Variants in NOCT observed in about 807,000 individuals in gnomAD.
The protein encoded by NOCT is nocturnin.
In NOCT, 18 loss-of-function variants were observed where a neutral mutation model predicts 35.0. The ratio of observed to expected loss-of-function variants is 0.51; its 90% CI spans 0.36 to 0.76. The LOEUF (loss-of-function observed/expected upper bound fraction) is 0.76, where lower values mean the gene tolerates loss of function less well. NOCT is among the 30% of genes least tolerant of loss of function. The pLI is 0.01. For synonymous variants in NOCT, 235 were observed against 226.3 expected, an observed-to-expected ratio of 1.04 and a Z score of -0.34; for missense variants, 479 against 541.0, an observed-to-expected ratio of 0.89 and a Z score of 1.14.
intron 1 of NOCT, among the ~76,000 whole-genome samples, chr4:139,028,821 A>G (rs547037135): frequency 1.6e-4 from 25 of 152,278 alleles, no homozygotes; most frequent in Middle Eastern, 3.4e-3. Flanking sequence ...TCGAATGTTA[A>G]TAATAGCCTT....
At chr4:139,034,215 T>C (rs756471801) in intron 1 of NOCT, among the ~76,000 whole-genome samples, 35 of 152,116 alleles carry the variant, frequency 2.3e-4, no homozygotes, top group Non-Finnish European at 4.7e-4. Context: ...AACAGCACTG[T>C]GTCTCCCCAC....
intron 1 of NOCT, among the ~76,000 whole-genome samples, chr4:139,021,084 A>G (rs992235206): frequency 6.6e-6 from 1 of 151,758 alleles, no homozygotes; most frequent in Non-Finnish European, 1.5e-5. Context: ...AAAAAAAAAA[A>G]AAAAAGGATC....
chr4:139,031,898 A>AGATAGGG (rs753968611), intron 1 of NOCT, among the ~76,000 whole-genome samples: 1 of 151,928 alleles, frequency 6.6e-6, no homozygotes, highest in Non-Finnish European at 1.5e-5. Context: ...TTTTTAGTAG[A>AGATAGGG]GATAGGGTTT....
intron 1 of NOCT, among the ~76,000 whole-genome samples, chr4:139,028,684 C>T (rs1726570060): frequency 1.3e-5 from 2 of 152,218 alleles, no homozygotes; most frequent in Non-Finnish European, 2.9e-5. Flanking sequence ...GTCCAAGGTG[C>T]AGGTAACTTT....
At chr4:139,016,487 C>T (rs1312693443) in intron 1 of NOCT, among the ~76,000 whole-genome samples, 1 of 151,558 alleles carries the variant, frequency 6.6e-6, no homozygotes, top group South Asian at 2.1e-4. Flanking sequence ...CCGCGAGTTA[C>T]TATGTTGGTT....
chr4:139,036,951 A>G (rs1342295896), intron 1 of NOCT, among the ~76,000 whole-genome samples: 1 of 152,194 alleles, frequency 6.6e-6, no homozygotes, highest in Non-Finnish European at 1.5e-5. Flanking sequence ...TCCATCAGTA[A>G]GCTGTCTAGA....
At chr4:139,024,803 C>T (rs371296958) in intron 1 of NOCT, among the ~76,000 whole-genome samples, 11 of 152,134 alleles carry the variant, frequency 7.2e-5, no homozygotes, top group East Asian at 1.9e-4. Flanking sequence ...AGGTTTTCCC[C>T]GTGTTGGCCA....
chr4:139,021,576 C>T (rs1280670520), intron 1 of NOCT, among the ~76,000 whole-genome samples: 1 of 151,724 alleles, frequency 6.6e-6, no homozygotes, highest in East Asian at 1.9e-4. Flanking sequence ...AAACTTGAGA[C>T]TGAGGTTGTA....
In NOCT at chr4:139,044,664, T is replaced by C. The variant is rs1482902568; in HGVS notation, c.486T>C (p.Phe162=). 6.2e-7 allele frequency: 1 copy of C among 1,613,794 alleles called. No individual in the cohort carries two copies. Residue 162 remains phenylalanine, a synonymous_variant, in exon 3 of 3, where the codon TTT becomes TTC. Coordinates refer to ENST00000280614, the MANE Select transcript of NOCT (RefSeq NM_012118.4). ...AQALGEGKDN[F]VQCPVEALKW... ...CTCTTGGAGAAGGCAAAGACAACTT[T>C]GTACAGTGCCCTGTTGAAGCACTCA...
intron 1 of NOCT, among the ~76,000 whole-genome samples, chr4:139,041,557 C>G (rs1726833222): frequency 6.6e-6 from 1 of 152,126 alleles, no homozygotes; most frequent in Non-Finnish European, 1.5e-5. Context: ...AAGTGAACTG[C>G]CACATAATGC....
intron 2 of NOCT, chr4:139,044,016 AG>A: frequency 5.5e-5 from 8 of 146,192 alleles, no homozygotes; most frequent in African/African-American, 2.0e-4. Context: ...ACTTTGTTAC[AG>A]TAGTAAGGAC....
chr4:139,023,303 G>A (rs1479320558), intron 1 of NOCT, among the ~76,000 whole-genome samples: 2 of 151,958 alleles, frequency 1.3e-5, no homozygotes, highest in African/African-American at 2.4e-5. Flanking sequence ...CAAATATCTT[G>A]TCTAGTACAG....
At chr4:139,017,225 C>CT (rs547505786) in intron 1 of NOCT, among the ~76,000 whole-genome samples, 29,463 of 122,794 alleles carry the variant, frequency 0.24, 4,476 homozygotes, top group East Asian at 0.59. Context: ...CAATACATAA[C>CT]TTTTTTTTTT....
At chr4:139,038,624 T>C (rs1726778739) in intron 1 of NOCT, among the ~76,000 whole-genome samples, 1 of 152,164 alleles carries the variant, frequency 6.6e-6, no homozygotes, top group African/African-American at 2.4e-5. Context: ...GTACCACCAC[T>C]ACTAATTATG....
intron 1 of NOCT, among the ~76,000 whole-genome samples, chr4:139,032,491 CT>C (rs1340004553): frequency 6.3e-4 from 96 of 151,916 alleles, no homozygotes; most frequent in African/African-American, 2.3e-3. Flanking sequence ...CTCGTCTCTA[CT>C]TTTTTAAAAA....
At chr4:139,032,249 TAGTC>T (rs1391669902) in intron 1 of NOCT, among the ~76,000 whole-genome samples, 1 of 29,260 alleles carries the variant, frequency 3.4e-5, no homozygotes, top group South Asian at 1.8e-3. Flanking sequence ...CTTATAGAAT[TAGTC>T]AGTGGCAGGG....
intron 1 of NOCT, chr4:139,028,282 G>C (rs969522752): frequency 6.6e-6 from 1 of 152,254 alleles, no homozygotes; most frequent in South Asian, 2.1e-4. Context: ...AGTCTGTCCT[G>C]GCTGAAGGTA....
chr4:139,016,298 C>T, intron 1 of NOCT, 127 bp downstream of exon 1: 1 of 517,092 alleles, frequency 1.9e-6, no homozygotes, highest in Non-Finnish European at 2.9e-6. Flanking sequence ...GAAAGTGGGT[C>T]CTTTACCGGA....
chr4:139,028,273 G>A (rs1196100335), intron 1 of NOCT: 2 of 152,236 alleles, frequency 1.3e-5, no homozygotes, highest in African/African-American at 4.8e-5. Context: ...TTCCATATGA[G>A]TCTGTCCTGG....
Sources: allele counts gnomAD v4.1 joint callset (sites outside exome capture counted in the v4.1 genomes callset), GRCh38; gene constraint gnomAD v4.1.1; transcripts MANE v1.5; gene names NCBI Gene and HGNC (gene_info 2026-07-23, HGNC 2026-07-21).